Variants in FBXO33 observed in about 807,000 individuals in gnomAD.
FBXO33 encodes F-box only protein 33.
A neutral mutation model predicts 46.3 loss-of-function variants in FBXO33; 22 were observed. The ratio of observed to expected loss-of-function variants is 0.48; its 90% confidence interval spans 0.34 to 0.68. The LOEUF (loss-of-function observed/expected upper bound fraction) is 0.68, where lower values mean the gene tolerates loss of function less well. Ranked by LOEUF, FBXO33 falls within the 30% of genes least tolerant of loss-of-function variation. The pLI is 0.01. For synonymous variants in FBXO33, 337 were observed against 291.3 expected (o/e 1.16, Z -1.60); for missense variants, 692 against 708.8 (o/e 0.98, Z 0.27).
intron 1 of FBXO33, among the ~76,000 whole-genome samples, chr14:39,416,437 A>G (rs73285584): frequency 0.035 from 5,328 of 152,104 alleles, 338 homozygotes; most frequent in African/African-American, 0.12. Context: ...TTCACTCATT[A>G]TTTCTTGAAA....
intron 1 of FBXO33, among the ~76,000 whole-genome samples, chr14:39,422,626 T>C (rs1011349658): frequency 1.3e-5 from 2 of 152,228 alleles, no homozygotes; most frequent in Admixed American, 6.5e-5. Context: ...TGTCTTTTTC[T>C]TTTTTCACCC....
Position 39,424,508 on chromosome 14 carries a change from TAA to T in FBXO33, c.599+7054_599+7055del, listed in dbSNP as rs1027982436. Reference sequence around the variant, plus strand: ...ATTTACCTTAGTTTATAAAAAAAATTAAAGTCTATTTAGCTACATCTCACACA... The same window carrying T: ...ATTTACCTTAGTTTATAAAAAAAATTAGTCTATTTAGCTACATCTCACACA... On this transcript the variant is annotated intron_variant, in intron 1 of 3. Coordinates refer to ENST00000298097, the MANE Select transcript of FBXO33 (RefSeq NM_203301.4). Among the ~76,000 whole-genome samples the T allele has an allele frequency of 5.3e-5, 8 of 152,226 alleles. No homozygotes were observed. The Middle Eastern group carries it at 0.01, about 194-fold the overall frequency.
intron 1 of FBXO33, among the ~76,000 whole-genome samples, chr14:39,413,603 C>G (rs1245421182): frequency 6.6e-6 from 1 of 152,142 alleles, no homozygotes. Context: ...TCTATGGCAG[C>G]TATAATCTTG....
In FBXO33 at chr14:39,414,518, A is replaced by C. The variant is rs539499582; in HGVS notation, c.600-12007T>G. Among the ~76,000 whole-genome samples, 6 of 152,334 alleles carry C rather than the reference A, an allele frequency of 3.9e-5. No homozygotes were observed. The South Asian group carries it at 1.2e-3, about 32-fold the overall frequency. The stretch of plus-strand genomic sequence containing the variant: ...CTTGCCTGTTTGGTACAAGAGGCCT[A>C]GTTTCTGGTCTATCTGGGCTCTTGA... On this transcript the variant is annotated intron_variant, in intron 1 of 3. Coordinates refer to ENST00000298097, the MANE Select transcript of FBXO33 (RefSeq NM_203301.4).
rs1383048252 is a variant in FBXO33 at position 39,431,969 on chromosome 14, G to A, written c.194C>T (p.Ala65Val). 4 of 1,526,272 alleles carry A rather than the reference G, an allele frequency of 2.6e-6. No individual in the cohort carries two copies. Among genetic ancestry groups the A allele is most frequent in the Non-Finnish European group, 3.5e-6 (4 of 1,142,882 alleles). The allele number at this position is 1,526,272 out of a possible 1,614,324, so 94.5% of individuals were successfully genotyped here. A position where few individuals can be genotyped will look rare whatever the true frequency, so the allele number is the denominator to read the frequency against. ...RRGRMALCGQ[A>V]AGAASLPSEL... is the part of the protein sequence containing the mutation. Reference sequence around the variant, plus strand: ...GCTGGGCAGCGACGCAGCGCCCGCCGCCTGCCCGCACAGAGCCATCCGGCC... The same window carrying A: ...GCTGGGCAGCGACGCAGCGCCCGCCACCTGCCCGCACAGAGCCATCCGGCC... Residue 65 changes from alanine (A) to valine (V), a missense_variant, in exon 1 of 4, where the codon GCG becomes GTG. By Grantham distance (64) the Ala-to-Val change is moderately conservative (BLOSUM62 0). This residue lies in a region of FBXO33 where 412 missense variants were observed against 370.8 expected (regional missense o/e 1.11). Transcript: ENST00000298097.
chr14:39,418,094 T>C (rs146691457), intron 1 of FBXO33, among the ~76,000 whole-genome samples: 2,832 of 151,946 alleles, frequency 0.019, 103 homozygotes, highest in African/African-American at 0.065. Flanking sequence ...GATGGAGTCT[T>C]GCTCTGTCAC....
intron 1 of FBXO33, among the ~76,000 whole-genome samples, chr14:39,423,553 A>C (rs56127968): frequency 0.32 from 43,525 of 137,988 alleles, 7,650 homozygotes; most frequent in Non-Finnish European, 0.4. Flanking sequence ...AATAGAATAG[A>C]TAAATTACAG....
At chr14:39,407,350 C>T (rs976532981) in intron 1 of FBXO33, among the ~76,000 whole-genome samples, 6 of 152,198 alleles carry the variant, frequency 3.9e-5, no homozygotes, top group African/African-American at 7.2e-5. Context: ...AATTGATCAA[C>T]AGACTCACAC....
chr14:39,415,807 CA>C (rs1210956387), intron 1 of FBXO33, among the ~76,000 whole-genome samples: 1 of 152,100 alleles, frequency 6.6e-6, no homozygotes, highest in Non-Finnish European at 1.5e-5. Flanking sequence ...GCTCGGTTTA[CA>C]GGTACCCCCT....
chr14:39,408,126 G>C (rs1408397250), intron 1 of FBXO33, among the ~76,000 whole-genome samples: 1 of 152,016 alleles, frequency 6.6e-6, no homozygotes, highest in Non-Finnish European at 1.5e-5. Context: ...GTATTTTTTA[G>C]TAGAGACAGG....
rs182776321 is a variant in FBXO33 at position 39,405,187 on chromosome 14, T to C, written c.600-2676A>G. On this transcript the variant is annotated intron_variant, in intron 1 of 3. Transcript: ENST00000298097. ...AATTTCTGTCTAGAAAATGTTACTG[T>C]GGCATTAGAAGAGTCTGGAAGGATG... 1.6e-3 allele frequency among the ~76,000 whole-genome samples: 248 copies of C among 151,262 alleles called. 1 individual carries two copies. Among genetic ancestry groups the C allele is most frequent in the African/African-American group, 5.3e-3 (219 of 41,162 alleles).
rs1049792237 is a variant in FBXO33 at position 39,398,878 on chromosome 14, A to C, written c.*638T>G. 9 of 152,238 alleles carry C rather than the reference A, an allele frequency of 5.9e-5. No individual in the cohort carries two copies. The highest frequency in any genetic ancestry group is 2.2e-4 in the African/African-American group (9 of 41,446). The allele number at this position is 152,238 out of a possible 1,614,324, so 9.4% of individuals were successfully genotyped here. On this transcript the variant is annotated 3_prime_UTR_variant, in exon 4 of 4. Coordinates refer to ENST00000298097, the MANE Select transcript of FBXO33 (RefSeq NM_203301.4). ...GTCAGATATAGTTAAAAAATCCAAC[A>C]ATTTCAGTATTCGTGTTTACGTAAA...
chr14:39,428,448 T>C (rs1213039529), intron 1 of FBXO33, among the ~76,000 whole-genome samples: 6 of 152,076 alleles, frequency 3.9e-5, no homozygotes, highest in Non-Finnish European at 5.9e-5. Context: ...GATCCACCCG[T>C]CTCGGCCTCC....
At position 39,431,863 on chromosome 14, in the gene FBXO33, C is replaced by T. The variant is rs555236804; in HGVS notation, c.300G>A (p.Glu100=). 1.4e-5 allele frequency: 23 copies of T among 1,588,658 alleles called. No individual in the cohort carries two copies. The South Asian group carries it at 2.4e-4, about 16-fold the overall frequency. ...RASASCSHWR[E]CLFYPALWPQ... Reference sequence around the variant, plus strand: ...GCCACAGGGCCGGATAGAAGAGGCACTCACGCCAGTGCGAGCAGGAGGCCG... The same window carrying T: ...GCCACAGGGCCGGATAGAAGAGGCATTCACGCCAGTGCGAGCAGGAGGCCG... Residue 100 remains glutamate, a synonymous_variant, in exon 1 of 4, where the codon GAG becomes GAA. Coordinates refer to ENST00000298097, the MANE Select transcript of FBXO33 (RefSeq NM_203301.4).
At chr14:39,408,343 C>T (rs1160886300) in intron 1 of FBXO33, among the ~76,000 whole-genome samples, 4 of 152,120 alleles carry the variant, frequency 2.6e-5, no homozygotes, top group Non-Finnish European at 4.4e-5. Flanking sequence ...CAGCATCTTG[C>T]CATATGCCTG....
chr14:39,408,966 G>C (rs2075410745), intron 1 of FBXO33, among the ~76,000 whole-genome samples: 1 of 151,098 alleles, frequency 6.6e-6, no homozygotes, highest in South Asian at 2.1e-4. Context: ...TTGTACAGAT[G>C]GGGTTTTATC....
At chr14:39,426,167 ATTT>A (rs905389323) in intron 1 of FBXO33, among the ~76,000 whole-genome samples, 2 of 151,846 alleles carry the variant, frequency 1.3e-5, no homozygotes, top group Admixed American at 6.6e-5. Context: ...TTTCATATTT[ATTT>A]TTTTAACATG....
intron 1 of FBXO33, among the ~76,000 whole-genome samples, chr14:39,402,921 G>A (rs969939755): frequency 2.6e-5 from 4 of 152,088 alleles, no homozygotes; most frequent in African/African-American, 9.7e-5. Flanking sequence ...TACAGGAGAA[G>A]TGGCATAAGC....
At chr14:39,409,435 C>A (rs76001273) in intron 1 of FBXO33, among the ~76,000 whole-genome samples, 5,057 of 152,212 alleles carry the variant, frequency 0.033, 294 homozygotes, top group African/African-American at 0.11. Context: ...CTCCACTGGT[C>A]TATACATCCA....
Sources: gnomAD v4.1 joint callset for allele counts (sites outside exome capture counted in the v4.1 genomes callset) on GRCh38, gnomAD v4.1.1 for gene constraint, gnomAD v4.1.1 regional missense constraint, MANE v1.5 for transcripts, NCBI Gene and HGNC (gene_info 2026-07-23, HGNC 2026-07-21) for gene names.